The following LSM4 variants were observed in gnomAD, a reference collection of about 807,000 sequenced individuals.
LSM4 encodes the protein U6 snRNA-associated Sm-like protein LSm4.
LSM4 carries 15 observed loss-of-function variants against 22.3 expected under a neutral mutation model. The observed-to-expected ratio is 0.67, with a 90% CI of 0.45 to 1.03. LSM4 has a LOEUF of 1.03. Among genes scored for constraint, LSM4 ranks in the 50% least tolerant of loss-of-function variants. LSM4 has a pLI of 0.00. For missense variants in LSM4, 127 were observed against 198.0 expected (o/e 0.64, Z 2.15); for synonymous variants, 90 against 79.8 (o/e 1.13, Z -0.68).
Position 18,307,403 on chromosome 19 carries a change from A to G in LSM4, c.*61T>C. 5.1e-6 allele frequency: 7 copies of G among 1,379,434 alleles called. No individual in the cohort carries two copies. The highest frequency in any genetic ancestry group is 2.6e-5 in the Admixed American group (1 of 38,144). The allele number at this position is 1,379,434 out of a possible 1,614,324, so 85.4% of individuals were successfully genotyped here. A position where few individuals can be genotyped will look rare whatever the true frequency, so the allele number is the denominator to read the frequency against. ...TCCTTTCTGAGCAGATCCGTCCGAG[A>G]CTGTGGAGCGGAATCGCCACCCTGG... On this transcript the variant is annotated 3_prime_UTR_variant, in exon 5 of 5. Transcript: ENST00000593829.
At chr19:18,320,053 C>A (rs766586347) in intron 1 of LSM4, among the ~76,000 whole-genome samples, 1 of 152,194 alleles carries the variant, frequency 6.6e-6, no homozygotes, top group Non-Finnish European at 1.5e-5. Context: ...GGAGTGGCTG[C>A]GGGACAGGGA....
At chr19:18,311,109 C>T (rs911299715) in intron 3 of LSM4, among the ~76,000 whole-genome samples, 1 of 152,162 alleles carries the variant, frequency 6.6e-6, no homozygotes, top group Non-Finnish European at 1.5e-5. Context: ...GTGGGGCGGA[C>T]ACACCATGGT....
intron 2 of LSM4, among the ~76,000 whole-genome samples, chr19:18,315,563 A>G (rs1568298819): frequency 6.6e-6 from 1 of 151,934 alleles, no homozygotes; most frequent in Admixed American, 6.6e-5. Context: ...TTTTCTAGAG[A>G]CAAGGTTTCA....
chr19:18,317,394 G>A (rs1411870638), intron 1 of LSM4, among the ~76,000 whole-genome samples: 5 of 149,568 alleles, frequency 3.3e-5, no homozygotes, highest in African/African-American at 4.9e-5. Context: ...GTGTAGTGGT[G>A]CAATCTCGGC....
intron 1 of LSM4, among the ~76,000 whole-genome samples, chr19:18,319,562 AAACAACAAC>A (rs141901547): frequency 6.6e-6 from 1 of 152,084 alleles, no homozygotes; most frequent in Non-Finnish European, 1.5e-5. Flanking sequence ...TTCATCTCAA[AAACAACAAC>A]AACAACAACA....
chr19:18,310,938 C>T (rs1279119880), intron 3 of LSM4, among the ~76,000 whole-genome samples: 1 of 152,220 alleles, frequency 6.6e-6, no homozygotes, highest in African/African-American at 2.4e-5. Flanking sequence ...CACTTCTCAT[C>T]TGGCTAACTT....
Position 18,307,469 on chromosome 19 carries a change from G to A in LSM4, c.415C>T (p.Gln139Ter). The A allele has an allele frequency of 6.5e-7, 1 of 1,540,904 alleles. No homozygotes were observed. The highest frequency in any genetic ancestry group is 8.7e-7 in the Non-Finnish European group (1 of 1,144,948). ...EKKPGRQAGK[Q>*] ...CAGCCGGTCTGGGTGGGCGCTCACT[G>A]TTTGCCCGCCTGTCTGCCAGGCTTC... Residue 139 changes from glutamine (Q) to a stop codon, truncating the protein, a stop_gained, in exon 5 of 5, where the codon CAG becomes TAG. Transcript: ENST00000593829. LOFTEE classifies it high-confidence loss of function.
chr19:18,307,955 G>A (rs938084800), intron 4 of LSM4, among the ~76,000 whole-genome samples: 1 of 152,018 alleles, frequency 6.6e-6, no homozygotes, highest in African/African-American at 2.4e-5. Flanking sequence ...GGCGGGGGGG[G>A]GGCCTCCTAT....
chr19:18,320,891 A>G (rs921793989), intron 1 of LSM4, among the ~76,000 whole-genome samples: 5 of 152,232 alleles, frequency 3.3e-5, no homozygotes, highest in Non-Finnish European at 5.9e-5. Context: ...AAGAAAATTC[A>G]GAAAAGAGAA....
chr19:18,308,998 C>T (rs754957001), intron 4 of LSM4, among the ~76,000 whole-genome samples: 19 of 152,198 alleles, frequency 1.2e-4, no homozygotes, highest in Non-Finnish European at 2.2e-4. Flanking sequence ...GGAGCCAGGC[C>T]GGGGACCCCA....
intron 4 of LSM4, among the ~76,000 whole-genome samples, chr19:18,308,205 G>A (rs1033850045): frequency 2.0e-4 from 31 of 152,252 alleles, no homozygotes; most frequent in Non-Finnish European, 2.1e-4. Flanking sequence ...CTGAGTGGAC[G>A]CTACAGCGGC....
chr19:18,319,290 G>A (rs1437079175), intron 1 of LSM4, among the ~76,000 whole-genome samples: 3 of 150,254 alleles, frequency 2.0e-5, no homozygotes, highest in Non-Finnish European at 3.0e-5. Context: ...CTGGCTAGGC[G>A]CCGTGGCTCA....
rs971999064 is a variant in LSM4 at position 18,323,068 on chromosome 19, G to T, written c.-48C>A. ...GCCGGCCACTTCCGCCGCCGCCGCT[G>T]CACACGCTCCCGGCGGTCGTCGCCG... On this transcript the variant is annotated 5_prime_UTR_variant, in exon 1 of 5. Coordinates refer to ENST00000593829, the MANE Select transcript of LSM4 (RefSeq NM_012321.5). The T allele has an allele frequency of 6.7e-7, 1 of 1,486,752 alleles. No homozygotes were observed. The highest frequency in any genetic ancestry group is 2.4e-5 in the Admixed American group (1 of 41,406). The allele number at this position is 1,486,752 out of a possible 1,614,324, so 92.1% of individuals were successfully genotyped here.
chr19:18,309,864 G>A lies in LSM4; in HGVS notation c.145-3C>T. On this transcript the variant is annotated splice_polypyrimidine_tract_variant and splice_region_variant and intron_variant, in intron 3 of 4. Coordinates refer to ENST00000593829, the MANE Select transcript of LSM4 (RefSeq NM_012321.5). ...ATCCGCCAGAACTTGTCCCCGTCCT[G>A]CGGAGAAGGGGAGCAGGTTATTAAC... 1 of 1,612,806 alleles carries A rather than the reference G, an allele frequency of 6.2e-7. No homozygotes were observed. Among genetic ancestry groups the A allele is most frequent in the Non-Finnish European group, 8.5e-7 (1 of 1,179,600 alleles).
chr19:18,320,049 G>T (rs1422380125), intron 1 of LSM4, among the ~76,000 whole-genome samples: 1 of 152,202 alleles, frequency 6.6e-6, no homozygotes, highest in African/African-American at 2.4e-5. Flanking sequence ...GGAAGGAGTG[G>T]CTGCGGGACA....
At chr19:18,313,527 G>A (rs181023807) in intron 2 of LSM4, among the ~76,000 whole-genome samples, 10 of 152,290 alleles carry the variant, frequency 6.6e-5, no homozygotes, top group Admixed American at 4.6e-4. Context: ...ATTTTTTGGT[G>A]TCTTTTATGA....
chr19:18,310,093 C>CT (rs1970282666), intron 3 of LSM4: 1 of 543,542 alleles, frequency 1.8e-6, no homozygotes. Flanking sequence ...TAGGCGCAGC[C>CT]CCCATTGTGC....
intron 1 of LSM4, chr19:18,316,337 ATT>A (rs35435536): frequency 0.02 from 2,418 of 123,014 alleles, no homozygotes; most frequent in South Asian, 0.084. Flanking sequence ...ACTCTGGTCA[ATT>A]TTTTTTTTTT....
intron 4 of LSM4, among the ~76,000 whole-genome samples, chr19:18,307,882 G>A (rs1970248499): frequency 6.6e-6 from 1 of 151,848 alleles, no homozygotes; most frequent in South Asian, 2.1e-4. Context: ...CCTGGAGGAG[G>A]AGGAGGAGGT....
Sources: allele counts gnomAD v4.1 joint callset (sites outside exome capture counted in the v4.1 genomes callset), GRCh38; gene constraint gnomAD v4.1.1; transcripts MANE v1.5; gene names NCBI Gene and HGNC (gene_info 2026-07-23, HGNC 2026-07-21).